PRKAR2A: variants seen among roughly 807,000 people sequenced by gnomAD.
The protein encoded by PRKAR2A is protein kinase cAMP-dependent type II regulatory subunit alpha, also known as cAMP-dependent protein kinase type II-alpha regulatory subunit.
Under a neutral mutation model 51.9 loss-of-function variants are expected in PRKAR2A, and 29 were observed. The ratio of observed to expected loss-of-function variants is 0.56; its 90% CI spans 0.42 to 0.76. The LOEUF is 0.76. Among genes scored for constraint, PRKAR2A ranks in the 30% least tolerant of loss-of-function variants. The pLI is 0.00. For synonymous variants in PRKAR2A, 178 were observed against 186.2 expected (o/e 0.96, Z 0.36); for missense variants, 445 against 512.1 (o/e 0.87, Z 1.26).
intron 9 of PRKAR2A, 38 bp from the exon 10 acceptor site, chr3:48,752,355 G>A: frequency 6.2e-7 from 1 of 1,601,622 alleles, no homozygotes; most frequent in Non-Finnish European, 8.5e-7. Context: ...GCTGACTCCA[G>A]GATCACAGCT....
chr3:48,757,247 A>T (rs1485781074), intron 8 of PRKAR2A, among the ~76,000 whole-genome samples: 1 of 152,202 alleles, frequency 6.6e-6, no homozygotes, highest in African/African-American at 2.4e-5. Context: ...ATAGTGCTTG[A>T]GCCCTTTTTG....
At chr3:48,795,367 C>T (rs970384217) in intron 2 of PRKAR2A, among the ~76,000 whole-genome samples, 4 of 151,788 alleles carry the variant, frequency 2.6e-5, no homozygotes, top group African/African-American at 7.3e-5. Flanking sequence ...GACCCTAAAA[C>T]GAAGTACAAA....
chr3:48,781,811 A>C (rs1003458993), intron 5 of PRKAR2A, among the ~76,000 whole-genome samples: 3 of 151,292 alleles, frequency 2.0e-5, no homozygotes, highest in Non-Finnish European at 4.4e-5. Context: ...GCGACTGGCC[A>C]ATTTTTGTAT....
chr3:48,770,738 G>A (rs1257317499), intron 6 of PRKAR2A, among the ~76,000 whole-genome samples: 1 of 152,146 alleles, frequency 6.6e-6, no homozygotes, highest in African/African-American at 2.4e-5. Flanking sequence ...AAGAAGGGTG[G>A]TGAGTAGCAC....
At chr3:48,832,311 CA>C (rs768304256) in intron 1 of PRKAR2A, among the ~76,000 whole-genome samples, 2 of 135,642 alleles carry the variant, frequency 1.5e-5, no homozygotes, top group Non-Finnish European at 3.2e-5. Flanking sequence ...AAAAAAAAAA[CA>C]AAAAAAAACA....
chr3:48,762,409 A>G (rs2081877215), intron 8 of PRKAR2A, among the ~76,000 whole-genome samples: 1 of 152,222 alleles, frequency 6.6e-6, no homozygotes, highest in Non-Finnish European at 1.5e-5. Flanking sequence ...TGCACTCTTA[A>G]GTATTTACTA....
At chr3:48,809,389 G>A (rs965646770) in intron 1 of PRKAR2A, among the ~76,000 whole-genome samples, 4 of 151,620 alleles carry the variant, frequency 2.6e-5, no homozygotes, top group African/African-American at 7.3e-5. Flanking sequence ...TCAGAAGTTC[G>A]AGACTAGCCT....
At chr3:48,766,632 G>T (rs2081947230) in intron 6 of PRKAR2A, among the ~76,000 whole-genome samples, 1 of 152,108 alleles carries the variant, frequency 6.6e-6, no homozygotes, top group South Asian at 2.1e-4. Flanking sequence ...TATGAAATGT[G>T]CTTGATGAAA....
intron 1 of PRKAR2A, among the ~76,000 whole-genome samples, chr3:48,820,773 GA>G (rs2082947911): frequency 6.6e-6 from 1 of 152,150 alleles, no homozygotes. Context: ...AGAGAAACAA[GA>G]AGGGGAGGAC....
chr3:48,752,093 G>T, intron 10 of PRKAR2A, 83 bp downstream of exon 10: 1 of 1,481,312 alleles, frequency 6.8e-7, no homozygotes, highest in Non-Finnish European at 9.1e-7. Flanking sequence ...GTAAAAGATG[G>T]CAGAATATGT....
At position 48,803,064 on chromosome 3, in the gene PRKAR2A, G is replaced by A. The variant is rs554297245; in HGVS notation, c.298+4585C>T. 1.2e-4 allele frequency among the ~76,000 whole-genome samples: 18 copies of A among 152,258 alleles called. 1 individual carries two copies. Among genetic ancestry groups the A allele is most frequent in the Admixed American group, 7.2e-4 (11 of 15,274 alleles). On this transcript the variant is annotated intron_variant, in intron 2 of 10. Coordinates refer to ENST00000265563, the MANE Select transcript of PRKAR2A (RefSeq NM_004157.4). ...AAGATCATCTGCTAAGGATGAGGAA[G>A]GAGGTATAGGAGGTTTTGAGAAGGG...
intron 1 of PRKAR2A, among the ~76,000 whole-genome samples, chr3:48,846,366 G>A (rs531783292): frequency 1.3e-5 from 2 of 151,858 alleles, no homozygotes; most frequent in Non-Finnish European, 2.9e-5. Flanking sequence ...ACAGACGCCC[G>A]CCACCACGCC....
chr3:48,812,133 GA>G (rs1042519663), intron 1 of PRKAR2A, among the ~76,000 whole-genome samples: 15 of 145,352 alleles, frequency 1.0e-4, no homozygotes, highest in South Asian at 2.1e-4. Flanking sequence ...ATAAAGCTCT[GA>G]AAAAAAAAAC....
At chr3:48,825,032 T>TC (rs1559643434) in intron 1 of PRKAR2A, among the ~76,000 whole-genome samples, 3 of 140,258 alleles carry the variant, frequency 2.1e-5, no homozygotes, top group African/African-American at 5.2e-5. Context: ...TCTTTTCTTT[T>TC]TTTTTTTTTT....
intron 5 of PRKAR2A, among the ~76,000 whole-genome samples, chr3:48,778,243 G>A (rs550093997): frequency 4.6e-5 from 7 of 151,576 alleles, no homozygotes; most frequent in South Asian, 4.2e-4. Flanking sequence ...AATCCATATC[G>A]GCCTCCCAAA....
intron 8 of PRKAR2A, among the ~76,000 whole-genome samples, chr3:48,758,310 G>T (rs1255864072): frequency 6.6e-6 from 1 of 151,260 alleles, no homozygotes; most frequent in Admixed American, 6.6e-5. Context: ...CTGGTGCAGT[G>T]GCTCATGCCT....
rs2082595110 is a variant in PRKAR2A, at chr3:48,801,820, T to C, written c.298+5829A>G. ...GGCACAATCTCAGTTCACTATAACC[T>C]CCGTCTCCAGAGTTCAAGCGATTCT... On this transcript the variant is annotated intron_variant, in intron 2 of 10. Transcript: ENST00000265563. 2.0e-5 allele frequency among the ~76,000 whole-genome samples: 3 copies of C among 152,300 alleles called. No homozygotes were observed. The South Asian group carries it at 6.2e-4, about 32-fold the overall frequency.
intron 1 of PRKAR2A, among the ~76,000 whole-genome samples, chr3:48,811,740 T>C (rs1051260192): frequency 1.3e-5 from 2 of 152,092 alleles, no homozygotes; most frequent in African/African-American, 4.8e-5. Context: ...CGTGGGTGCA[T>C]AACATTGTGA....
intron 1 of PRKAR2A, among the ~76,000 whole-genome samples, chr3:48,837,803 A>G (rs1226497039): frequency 6.6e-6 from 1 of 152,024 alleles, no homozygotes; most frequent in Non-Finnish European, 1.5e-5. Flanking sequence ...AAGTGGAAAA[A>G]GGAAAAAAAA....
Sources: allele counts gnomAD v4.1 joint callset (sites outside exome capture counted in the v4.1 genomes callset), GRCh38; gene constraint gnomAD v4.1.1; transcripts MANE v1.5; gene names NCBI Gene and HGNC (gene_info 2026-07-23, HGNC 2026-07-21).